The following TECRL variants were observed in gnomAD, a reference collection of about 807,000 sequenced individuals.
TECRL encodes the protein trans-2,3-enoyl-CoA reductase-like.
Under a neutral mutation model 52.8 loss-of-function variants are expected in TECRL, and 63 were observed. That is an observed-to-expected ratio of 1.19 (90% CI 0.97 to 1.47). The LOEUF is 1.47. Ranked by LOEUF, TECRL falls within the 40% of genes most tolerant of loss-of-function variation. The pLI is 0.00. For missense variants in TECRL, 482 were observed against 429.6 expected, an observed-to-expected ratio of 1.12 and a Z score of -1.08; for synonymous variants, 164 against 141.9, an observed-to-expected ratio of 1.16 and a Z score of -1.10.
At chr4:64,313,760 C>T (rs1245796269) in intron 5 of TECRL, among the ~76,000 whole-genome samples, 1 of 150,728 alleles carries the variant, frequency 6.6e-6, no homozygotes, top group African/African-American at 2.4e-5. Context: ...GGATTGCAGG[C>T]GTGAGCCACC....
At chr4:64,386,230 A>T (rs1008198807) in intron 1 of TECRL, among the ~76,000 whole-genome samples, 3 of 152,192 alleles carry the variant, frequency 2.0e-5, no homozygotes, top group African/African-American at 7.2e-5. Flanking sequence ...TATAAAGCAT[A>T]TAATATGTAT....
At chr4:64,383,447 T>G (rs578238925) in intron 1 of TECRL, among the ~76,000 whole-genome samples, 16 of 152,178 alleles carry the variant, frequency 1.1e-4, no homozygotes, top group African/African-American at 3.8e-4. Flanking sequence ...CTCTTCATTC[T>G]TCTTTATTCT....
At chr4:64,341,690 G>T (rs995939155) in intron 2 of TECRL, among the ~76,000 whole-genome samples, 1 of 152,162 alleles carries the variant, frequency 6.6e-6, no homozygotes, top group East Asian at 1.9e-4. Flanking sequence ...CTTTCAGGGA[G>T]CCCAGACCTG....
chr4:64,350,802 C>T (rs986603415), intron 2 of TECRL, among the ~76,000 whole-genome samples: 8 of 151,836 alleles, frequency 5.3e-5, no homozygotes, highest in Non-Finnish European at 1.2e-4. Context: ...TCACATGAGC[C>T]ACCCTCCACA....
chr4:64,278,139 A>G lies in TECRL; in HGVS notation c.*1933T>C, dbSNP rs1196118747. 2 of 151,604 alleles carry G rather than the reference A, an allele frequency of 1.3e-5. No individual in the cohort carries two copies. The highest frequency in any genetic ancestry group is 4.8e-5 in the African/African-American group (2 of 41,380). 9.4% of individuals were successfully genotyped at this position (151,604 alleles called of 1,614,324 possible). On this transcript the variant is annotated 3_prime_UTR_variant, in exon 12 of 12. Coordinates refer to ENST00000381210, the MANE Select transcript of TECRL (RefSeq NM_001010874.5). ...TTCAGAAGATGTATAAATATAATTT[A>G]CATACAAATATAATCTATATATTTC...
chr4:64,286,338 A>G (rs1051735067), intron 9 of TECRL, among the ~76,000 whole-genome samples: 1 of 152,096 alleles, frequency 6.6e-6, no homozygotes, highest in African/African-American at 2.4e-5. Context: ...TTTGCTTAAG[A>G]ATGTAATATT....
At position 64,280,178 on chromosome 4, in the gene TECRL, A is replaced by G; in HGVS notation, c.986T>C (p.Met329Thr). Residue 329 changes from methionine (M) to threonine (T), a missense_variant, in exon 12 of 12, where the codon ATG (methionine) becomes ACG (threonine). Met to Thr is a moderately conservative substitution (Grantham distance 81). Transcript: ENST00000381210. ...TGCCCACAAAGACATCTGGATACTC[A>G]TCAGAAGTGTAAAAATTCCAACTAG... is the stretch of plus-strand genomic sequence containing the variant. ...TLPVGIFTLLMSIQMSLWAQK... is the reference protein window; with the variant it reads ...TLPVGIFTLLTSIQMSLWAQK... 6.5e-7 allele frequency: 1 copy of G among 1,540,416 alleles called. No homozygotes were observed. Among genetic ancestry groups the G allele is most frequent in the Non-Finnish European group, 8.7e-7 (1 of 1,147,444 alleles).
chr4:64,385,622 G>T (rs1458787819), intron 1 of TECRL, among the ~76,000 whole-genome samples: 1 of 152,122 alleles, frequency 6.6e-6, no homozygotes, highest in African/African-American at 2.4e-5. Flanking sequence ...CTCTAGGAAT[G>T]TGGAGATGCA....
At chr4:64,302,718 G>C (rs898901622) in intron 7 of TECRL, among the ~76,000 whole-genome samples, 1 of 151,158 alleles carries the variant, frequency 6.6e-6, no homozygotes, top group Non-Finnish European at 1.5e-5. Flanking sequence ...TTAAGCAGAT[G>C]GGTTTAATGT....
rs187709511 is a variant in TECRL at position 64,390,112 on chromosome 4, T to C, written c.235-14889A>G. On this transcript the variant is annotated intron_variant, in intron 1 of 11. Transcript: ENST00000381210. ...GTATTTGCCTGTTACAGGTCTCACT[T>C]ATCTGGCTTAGAAGCCAGGCAGCTA... Among the ~76,000 whole-genome samples, 438 of 152,038 alleles carry C rather than the reference T, an allele frequency of 2.9e-3. 1 individual carries two copies. Among genetic ancestry groups the C allele is most frequent in the Non-Finnish European group, 4.6e-3 (310 of 67,836 alleles).
At chr4:64,358,790 A>T (rs922108208) in intron 2 of TECRL, among the ~76,000 whole-genome samples, 4 of 151,828 alleles carry the variant, frequency 2.6e-5, no homozygotes, top group Non-Finnish European at 4.4e-5. Flanking sequence ...GAATAACAGA[A>T]ATTATTGAGA....
intron 1 of TECRL, among the ~76,000 whole-genome samples, chr4:64,382,017 T>C (rs1722828049): frequency 6.6e-6 from 1 of 151,706 alleles, no homozygotes; most frequent in African/African-American, 2.4e-5. Context: ...TTATCATTAG[T>C]TCTTATTTAC....
At chr4:64,382,768 T>C (rs1016525745) in intron 1 of TECRL, among the ~76,000 whole-genome samples, 1 of 152,280 alleles carries the variant, frequency 6.6e-6, no homozygotes, top group Middle Eastern at 3.4e-3. Flanking sequence ...TCTATTATTT[T>C]GTATGTCCTT....
intron 2 of TECRL, among the ~76,000 whole-genome samples, chr4:64,344,220 TAAG>T (rs146205404): frequency 0.04 from 6,013 of 152,024 alleles, 144 homozygotes; most frequent in African/African-American, 0.06. Flanking sequence ...TTTATACATA[TAAG>T]ATGATACAAA....
intron 4 of TECRL, among the ~76,000 whole-genome samples, chr4:64,321,052 G>T (rs969544510): frequency 6.6e-6 from 1 of 151,788 alleles, no homozygotes; most frequent in Non-Finnish European, 1.5e-5. Flanking sequence ...CTGCAAACAC[G>T]ACCATAGAAC....
At chr4:64,365,832 T>C (rs1163915434) in intron 2 of TECRL, among the ~76,000 whole-genome samples, 1 of 152,048 alleles carries the variant, frequency 6.6e-6, no homozygotes. Flanking sequence ...TCAATGTTAT[T>C]CATGTCAAAC....
At chr4:64,406,585 A>T (rs1724744153) in intron 1 of TECRL, among the ~76,000 whole-genome samples, 2 of 152,062 alleles carry the variant, frequency 1.3e-5, no homozygotes, top group African/African-American at 4.8e-5. Context: ...TATTCTAAGC[A>T]TGTAACATAT....
At chr4:64,373,483 T>G (rs753116697) in intron 2 of TECRL, among the ~76,000 whole-genome samples, 90 of 151,984 alleles carry the variant, frequency 5.9e-4, no homozygotes, top group Admixed American at 1.1e-3. Context: ...CTAAATCACA[T>G]AAATAGAAAA....
chr4:64,289,929 C>A (rs1319023768), intron 8 of TECRL, among the ~76,000 whole-genome samples, 162 bp from the exon 9 acceptor site: 1 of 151,882 alleles, frequency 6.6e-6, no homozygotes, highest in East Asian at 1.9e-4. Flanking sequence ...TTAATTATAA[C>A]AATGAAAGAA....
Sources: allele counts gnomAD v4.1 joint callset (sites outside exome capture counted in the v4.1 genomes callset), GRCh38; gene constraint gnomAD v4.1.1; transcripts MANE v1.5; gene names NCBI Gene and HGNC (gene_info 2026-07-23, HGNC 2026-07-21).